Variants in GRAMD2B observed in about 807,000 individuals in gnomAD.
GRAMD2B encodes GRAM domain containing 2B.
GRAMD2B carries 41 observed loss-of-function variants against 59.2 expected under a neutral mutation model. The ratio of observed to expected loss-of-function variants is 0.69; its 90% CI spans 0.54 to 0.90. The LOEUF is 0.90. Among genes scored for constraint, GRAMD2B ranks in the 40% least tolerant of loss-of-function variants. The pLI, the probability that GRAMD2B is intolerant of heterozygous loss-of-function variation, is 0.00. For synonymous variants in GRAMD2B, 161 were observed against 182.7 expected, an observed-to-expected ratio of 0.88 and a Z score of 0.96; for missense variants, 424 against 500.5, an observed-to-expected ratio of 0.85 and a Z score of 1.46.
At chr5:126,400,259 A>C (rs533798436) in intron 1 of GRAMD2B, among the ~76,000 whole-genome samples, 42 of 152,146 alleles carry the variant, frequency 2.8e-4, no homozygotes, top group Admixed American at 1.6e-3. Flanking sequence ...CATGGTAATC[A>C]CAAGGAACAT....
rs577027342 is a variant in GRAMD2B, at chr5:126,454,398, A to G, written c.84-11028A>G. Among the ~76,000 whole-genome samples the G allele has an allele frequency of 5.9e-5, 9 of 152,282 alleles. No individual in the cohort carries two copies. The South Asian group carries it at 1.9e-3, about 32-fold the overall frequency. On this transcript the variant is annotated intron_variant, in intron 1 of 13. Coordinates refer to ENST00000285689, the MANE Select transcript of GRAMD2B (RefSeq NM_023927.4). ...AAGGGAAATCACTGCAGCTGCACCC[A>G]CTGTCCACTGTTGACTTTGTCTTAA... is the stretch of plus-strand genomic sequence containing the variant.
At chr5:126,463,492 A>T (rs1337509875) in intron 1 of GRAMD2B, among the ~76,000 whole-genome samples, 2 of 152,234 alleles carry the variant, frequency 1.3e-5, no homozygotes, top group Admixed American at 1.3e-4. Context: ...GCTAAGTTTA[A>T]TAAAGTCCAA....
intron 1 of GRAMD2B, among the ~76,000 whole-genome samples, chr5:126,459,484 A>C (rs6595707): frequency 1.3e-5 from 2 of 152,178 alleles, no homozygotes; most frequent in Non-Finnish European, 2.9e-5. Flanking sequence ...GAATCTGTGA[A>C]GCAATTATGA....
upstream of GRAMD2B, among the ~76,000 whole-genome samples, chr5:126,366,846 C>CTTTT (rs59718576): frequency 2.2e-4 from 24 of 107,718 alleles, no homozygotes; most frequent in Non-Finnish European, 2.9e-4. Context: ...CAGACCAAGG[C>CTTTT]TTTTTTTTTT....
chr5:126,386,171 C>T (rs1043742899), intron 1 of GRAMD2B, among the ~76,000 whole-genome samples: 9 of 152,238 alleles, frequency 5.9e-5, no homozygotes, highest in African/African-American at 9.6e-5. Flanking sequence ...AGTAGTGACT[C>T]TTGTAATACA....
intron 1 of GRAMD2B, among the ~76,000 whole-genome samples, chr5:126,385,807 C>A (rs1394763367): frequency 1.3e-5 from 2 of 152,104 alleles, no homozygotes; most frequent in Non-Finnish European, 2.9e-5. Context: ...GGGGTGCAAC[C>A]CAGTCCATGG....
intron 1 of GRAMD2B, among the ~76,000 whole-genome samples, chr5:126,427,228 G>A (rs754529101): frequency 2.9e-4 from 44 of 152,188 alleles, no homozygotes; most frequent in African/African-American, 7.0e-4. Context: ...CATCATTTAC[G>A]TTAGGTATTT....
chr5:126,459,824 C>T (rs1265807463), intron 1 of GRAMD2B, among the ~76,000 whole-genome samples: 1 of 152,164 alleles, frequency 6.6e-6, no homozygotes, highest in Non-Finnish European at 1.5e-5. Context: ...GATATAGACA[C>T]TGTTGAATAT....
chr5:126,465,182 C>T, intron 1 of GRAMD2B: 1 of 1,358,252 alleles, frequency 7.4e-7, no homozygotes, highest in Non-Finnish European at 9.5e-7. Context: ...ACCTGGGAGC[C>T]AGCAAGTCCA....
intron 12 of GRAMD2B, among the ~76,000 whole-genome samples, chr5:126,487,484 C>A (rs1033770745): frequency 6.6e-6 from 1 of 152,112 alleles, no homozygotes; most frequent in East Asian, 1.9e-4. Flanking sequence ...TTTAACATGC[C>A]TGGCCTAATT....
exon 1 of GRAMD2B, chr5:126,360,177 G>A: frequency 1.3e-6 from 1 of 790,176 alleles, no homozygotes; most frequent in Non-Finnish European, 2.0e-6. Flanking sequence ...ATCCCTCTGA[G>A]CAGACGCTGA....
At chr5:126,445,303 C>T (rs189208930) in intron 1 of GRAMD2B, among the ~76,000 whole-genome samples, 335 of 152,308 alleles carry the variant, frequency 2.2e-3, no homozygotes, top group African/African-American at 7.9e-3. Flanking sequence ...AACTAATTTA[C>T]ACTCCCACCA....
At chr5:126,399,302 T>C (rs895793573) in intron 1 of GRAMD2B, among the ~76,000 whole-genome samples, 1 of 152,202 alleles carries the variant, frequency 6.6e-6, no homozygotes, top group Non-Finnish European at 1.5e-5. Flanking sequence ...ATATATGATA[T>C]GGTTTAGCTC....
chr5:126,363,358 C>A (rs929093252), intron 1 of GRAMD2B, among the ~76,000 whole-genome samples: 4 of 152,056 alleles, frequency 2.6e-5, no homozygotes, highest in Non-Finnish European at 4.4e-5. Flanking sequence ...AACTCTCATC[C>A]ACTGCTGGTC....
intron 1 of GRAMD2B, among the ~76,000 whole-genome samples, chr5:126,386,090 T>C (rs892517768): frequency 6.6e-6 from 1 of 152,158 alleles, no homozygotes; most frequent in African/African-American, 2.4e-5. Context: ...AAAATAAAAC[T>C]CTCCAGGATT....
chr5:126,382,901 T>TC (rs1451347328), intron 1 of GRAMD2B, among the ~76,000 whole-genome samples: 1 of 152,164 alleles, frequency 6.6e-6, no homozygotes, highest in Non-Finnish European at 1.5e-5. Flanking sequence ...GATGTAGTAC[T>TC]CTCCCCCTTC....
intron 1 of GRAMD2B, among the ~76,000 whole-genome samples, chr5:126,362,092 G>C (rs1281776822): frequency 6.6e-6 from 1 of 152,164 alleles, no homozygotes; most frequent in African/African-American, 2.4e-5. Flanking sequence ...TACTAGTGGA[G>C]AATATTTTTT....
intron 1 of GRAMD2B, among the ~76,000 whole-genome samples, chr5:126,390,795 CT>C (rs910995592): frequency 6.6e-6 from 1 of 152,280 alleles, no homozygotes; most frequent in South Asian, 2.1e-4. Flanking sequence ...CTCCTAAACT[CT>C]TTTCACAAAT....
intron 1 of GRAMD2B, among the ~76,000 whole-genome samples, chr5:126,449,151 A>C (rs1764872662): frequency 6.6e-6 from 1 of 152,252 alleles, no homozygotes; most frequent in Non-Finnish European, 1.5e-5. Flanking sequence ...TGTCAAATAT[A>C]AAATTAAAAT....
Sources: gnomAD v4.1 joint callset for allele counts (sites outside exome capture counted in the v4.1 genomes callset) on GRCh38, gnomAD v4.1.1 for gene constraint, MANE v1.5 for transcripts, NCBI Gene and HGNC (gene_info 2026-07-23, HGNC 2026-07-21) for gene names.